The following HMGCLL1 variants were observed in gnomAD, a reference collection of about 807,000 sequenced individuals.
The protein encoded by HMGCLL1 is 3-hydroxy-3-methylglutaryl-CoA lyase like 1.
In HMGCLL1, 36 loss-of-function variants were observed where a neutral mutation model predicts 39.1. The observed-to-expected ratio is 0.92, with a 90% CI of 0.71 to 1.22. HMGCLL1 has a LOEUF of 1.22. HMGCLL1 is among the 50% of genes most tolerant of loss of function. HMGCLL1 has a pLI of 0.00. For synonymous variants in HMGCLL1, 149 were observed against 144.0 expected (o/e 1.03, Z -0.25); for missense variants, 451 against 416.5 (o/e 1.08, Z -0.72).
At chr6:55,575,677 T>G (rs1187586469) in intron 1 of HMGCLL1, among the ~76,000 whole-genome samples, 1 of 152,204 alleles carries the variant, frequency 6.6e-6, no homozygotes, top group Non-Finnish European at 1.5e-5. Flanking sequence ...GAGAATTAGT[T>G]AAGCTCTCTG....
chr6:55,567,296 C>A (rs1771265664), intron 1 of HMGCLL1, among the ~76,000 whole-genome samples: 1 of 151,800 alleles, frequency 6.6e-6, no homozygotes, highest in Non-Finnish European at 1.5e-5. Context: ...ATGTATAAAA[C>A]AATTTATAAG....
At chr6:55,533,885 C>CAAAAAAAAAAAAAAAA (rs70986727) in intron 3 of HMGCLL1, among the ~76,000 whole-genome samples, 3 of 71,698 alleles carry the variant, frequency 4.2e-5, no homozygotes, top group Admixed American at 1.8e-4. Flanking sequence ...GACTCCGTCT[C>CAAAAAAAAAAAAAAAA]AAAAAAAAAA....
At chr6:55,492,608 T>C (rs1231248761) in intron 7 of HMGCLL1, among the ~76,000 whole-genome samples, 1 of 152,262 alleles carries the variant, frequency 6.6e-6, no homozygotes, top group Admixed American at 6.5e-5. Flanking sequence ...TGCCAGCTGA[T>C]GGCGGAAAAG....
intron 7 of HMGCLL1, among the ~76,000 whole-genome samples, chr6:55,440,234 C>T (rs1763536445): frequency 6.6e-6 from 1 of 152,108 alleles, no homozygotes; most frequent in Admixed American, 6.6e-5. Context: ...TGTATTAATT[C>T]ACAATTCTCC....
the HMGCLL1 span, among the ~76,000 whole-genome samples, chr6:55,598,087 A>G: frequency 2.0e-5 from 3 of 152,186 alleles, no homozygotes; most frequent in Non-Finnish European, 2.9e-5. Context: ...AGCTCAAGTC[A>G]TATAAGGTCC....
At chr6:55,504,322 T>C (rs1422266784) in intron 5 of HMGCLL1, among the ~76,000 whole-genome samples, 8 of 151,886 alleles carry the variant, frequency 5.3e-5, no homozygotes, top group Middle Eastern at 3.4e-3. Context: ...ACCTTCTTTA[T>C]GAAGTTTCTC....
intron 7 of HMGCLL1, among the ~76,000 whole-genome samples, chr6:55,458,437 C>G (rs186118152): frequency 2.6e-4 from 40 of 152,222 alleles, no homozygotes; most frequent in African/African-American, 9.6e-4. Flanking sequence ...ATCACTCTCC[C>G]AAAAGTTTTA....
At chr6:55,455,492 A>G (rs1319176592) in intron 7 of HMGCLL1, among the ~76,000 whole-genome samples, 4 of 152,234 alleles carry the variant, frequency 2.6e-5, no homozygotes, top group African/African-American at 9.6e-5. Context: ...ATAGAAGAAA[A>G]GCAGATTTGG....
In HMGCLL1 at chr6:55,571,678, G is replaced by A. The variant is rs551550610; in HGVS notation, c.108+7270C>T. The stretch of plus-strand genomic sequence containing the variant: ...AAAAAAATTAGCCGGGCACAGTAGC[G>A]GGCACCTGTAGTCCCAGCTACTCGG... On this transcript the variant is annotated intron_variant, in intron 1 of 8. Coordinates refer to ENST00000274901, the MANE Select transcript of HMGCLL1 (RefSeq NM_001042406.2). Among the ~76,000 whole-genome samples the A allele has an allele frequency of 1.3e-4, 20 of 151,950 alleles. 1 individual carries two copies. Among genetic ancestry groups the A allele is most frequent in the South Asian group, 8.3e-4 (4 of 4,808 alleles).
At chr6:55,486,258 A>T (rs1766021223) in intron 7 of HMGCLL1, among the ~76,000 whole-genome samples, 1 of 151,978 alleles carries the variant, frequency 6.6e-6, no homozygotes, top group African/African-American at 2.4e-5. Flanking sequence ...ATAATTTTTT[A>T]AATTATTGGA....
intron 7 of HMGCLL1, among the ~76,000 whole-genome samples, chr6:55,493,497 G>C (rs1766414739): frequency 6.6e-6 from 1 of 152,078 alleles, no homozygotes; most frequent in Non-Finnish European, 1.5e-5. Context: ...GAATCTCTCA[G>C]AAAATAGAGA....
At position 55,578,942 on chromosome 6, in the gene HMGCLL1, TG is replaced by T; in HGVS notation, c.108+5del. 6 of 1,602,150 alleles carry T rather than the reference TG, an allele frequency of 3.7e-6. No homozygotes were observed. The highest frequency in any genetic ancestry group is 5.1e-6 in the Non-Finnish European group (6 of 1,172,884). ...GGTGGGGACACCCTGGGCCGCGAGGTGGTACCTGCGCGGGGTCGAGCGCCCC... is the reference window on the plus strand; with the variant it reads ...GGTGGGGACACCCTGGGCCGCGAGGTGTACCTGCGCGGGGTCGAGCGCCCC... On this transcript the variant is annotated splice_donor_5th_base_variant and intron_variant, in intron 1 of 8. Transcript: ENST00000274901.
chr6:55,595,859 A>G, the HMGCLL1 span, among the ~76,000 whole-genome samples: 10 of 152,312 alleles, frequency 6.6e-5, no homozygotes, highest in South Asian at 2.1e-3. Flanking sequence ...CTGACGTTAA[A>G]CGCTGCAGCA....
intron 3 of HMGCLL1, 70 bp from the exon 4 acceptor site, chr6:55,516,673 G>T: frequency 2.9e-6 from 3 of 1,047,638 alleles, no homozygotes; most frequent in East Asian, 2.4e-5. Flanking sequence ...TTTAGTTTCA[G>T]GTAGGTTATA....
At chr6:55,470,774 A>G (rs1765010752) in intron 7 of HMGCLL1, among the ~76,000 whole-genome samples, 1 of 151,756 alleles carries the variant, frequency 6.6e-6, no homozygotes, top group African/African-American at 2.4e-5. Flanking sequence ...GAAACTTACA[A>G]TCATGGTGGA....
At chr6:55,542,226 T>C in intron 1 of HMGCLL1, 86 bp from the exon 2 acceptor site, 1 of 748,776 alleles carries the variant, frequency 1.3e-6, no homozygotes, top group Non-Finnish European at 2.3e-6. Flanking sequence ...CTGCACTTTG[T>C]TATACTCTTA....
At chr6:55,646,848 T>C in the HMGCLL1 span, among the ~76,000 whole-genome samples, 6 of 152,004 alleles carry the variant, frequency 3.9e-5, no homozygotes, top group Non-Finnish European at 7.4e-5. Flanking sequence ...GAGGAGAAAC[T>C]TGTGTATTCT....
At chr6:55,616,804 A>C in the HMGCLL1 span, among the ~76,000 whole-genome samples, 2 of 152,088 alleles carry the variant, frequency 1.3e-5, 1 homozygote, top group African/African-American at 4.8e-5. Flanking sequence ...AAGAAGAATA[A>C]AACATTATGA....
the HMGCLL1 span, among the ~76,000 whole-genome samples, chr6:55,663,157 AT>A: frequency 6.7e-6 from 1 of 148,512 alleles, no homozygotes; most frequent in Admixed American, 6.7e-5. Flanking sequence ...CATTTTAATG[AT>A]TTTTTTTCTT....
Sources: gnomAD v4.1 joint callset for allele counts (sites outside exome capture counted in the v4.1 genomes callset) on GRCh38, gnomAD v4.1.1 for gene constraint, MANE v1.5 for transcripts, NCBI Gene and HGNC (gene_info 2026-07-23, HGNC 2026-07-21) for gene names.